The following CORO2B variants were observed in gnomAD, a reference collection of about 807,000 sequenced individuals.
CORO2B encodes coronin 2B, also known as coronin-2B.
In CORO2B, 26 loss-of-function variants were observed where a neutral mutation model predicts 58.8. That is an observed-to-expected ratio of 0.44 (90% CI 0.32 to 0.61). CORO2B has a LOEUF of 0.61. Ranked by LOEUF, CORO2B falls within the 20% of genes least tolerant of loss-of-function variation. The probability of loss-of-function intolerance (pLI) is 0.04; values close to 1 mark genes in which losing one functional copy is unlikely to be tolerated. For missense variants in CORO2B, 460 were observed against 645.1 expected, an observed-to-expected ratio of 0.71 and a Z score of 3.11; for synonymous variants, 242 against 253.8, an observed-to-expected ratio of 0.95 and a Z score of 0.44.
At chr15:68,610,976 A>T (rs1307433296) in intron 1 of CORO2B, among the ~76,000 whole-genome samples, 1 of 152,192 alleles carries the variant, frequency 6.6e-6, no homozygotes, top group Non-Finnish European at 1.5e-5. Flanking sequence ...TGAAAGAAGT[A>T]CTCTGTACAA....
chr15:68,676,293 G>A (rs964731306), intron 2 of CORO2B, among the ~76,000 whole-genome samples: 6 of 152,168 alleles, frequency 3.9e-5, no homozygotes, highest in African/African-American at 1.4e-4. Flanking sequence ...CGCATCTGTG[G>A]GTGAGGGACA....
chr15:68,548,068 G>A, the CORO2B span, among the ~76,000 whole-genome samples: 1 of 152,052 alleles, frequency 6.6e-6, no homozygotes, highest in African/African-American at 2.4e-5. Flanking sequence ...CTACTTGGGG[G>A]GCTGAGGCAG....
intron 2 of CORO2B, among the ~76,000 whole-genome samples, chr15:68,679,023 A>G (rs1461081056): frequency 2.0e-5 from 3 of 152,240 alleles, no homozygotes; most frequent in Admixed American, 6.5e-5. Context: ...CTGGTCAGGC[A>G]GAGTGAGGGC....
At chr15:68,539,916 T>C in the CORO2B span, among the ~76,000 whole-genome samples, 1 of 152,256 alleles carries the variant, frequency 6.6e-6, no homozygotes, top group African/African-American at 2.4e-5. Context: ...TATCGTGGTA[T>C]GTTGTTTTGG....
intron 1 of CORO2B, among the ~76,000 whole-genome samples, chr15:68,609,897 A>G (rs577759770): frequency 6.6e-6 from 1 of 152,236 alleles, no homozygotes; most frequent in South Asian, 2.1e-4. Context: ...TCAGTACACT[A>G]GCTTGACCTG....
intron 2 of CORO2B, among the ~76,000 whole-genome samples, chr15:68,669,893 C>T (rs62002151): frequency 6.6e-6 from 1 of 151,798 alleles, no homozygotes; most frequent in Non-Finnish European, 1.5e-5. Context: ...CCTATCTCTA[C>T]TAAAAATACA....
intron 1 of CORO2B, among the ~76,000 whole-genome samples, chr15:68,639,450 G>A (rs990275316): frequency 1.3e-5 from 2 of 152,238 alleles, no homozygotes; most frequent in Non-Finnish European, 2.9e-5. Context: ...CCATGTAAGA[G>A]CTGTTGTCAT....
At chr15:68,560,017 A>G in the CORO2B span, among the ~76,000 whole-genome samples, 1 of 152,190 alleles carries the variant, frequency 6.6e-6, no homozygotes, top group Non-Finnish European at 1.5e-5. Context: ...GATCTGACCA[A>G]GTCTCTGCCA....
At position 68,727,162 on chromosome 15, in the gene CORO2B, A is replaced by G. The variant is rs1326874520; in HGVS notation, c.*1188A>G. Reference sequence around the variant, plus strand: ...CGCTATCTCAGCCACTTTCAGCCTTATGCACGTAGAATGACCACAGCCACT... The same window carrying G: ...CGCTATCTCAGCCACTTTCAGCCTTGTGCACGTAGAATGACCACAGCCACT... On this transcript the variant is annotated 3_prime_UTR_variant, in exon 12 of 12. Transcript: ENST00000261861. The G allele has an allele frequency of 1.3e-5, 2 of 152,640 alleles. No homozygotes were observed. Among genetic ancestry groups the G allele is most frequent in the African/African-American group, 4.8e-5 (2 of 41,422 alleles). 9.5% of individuals were successfully genotyped at this position (152,640 alleles called of 1,614,324 possible).
the CORO2B span, among the ~76,000 whole-genome samples, chr15:68,521,148 C>T: frequency 6.6e-6 from 1 of 152,064 alleles, no homozygotes; most frequent in Non-Finnish European, 1.5e-5. Context: ...TTTACATCTA[C>T]CATCTTTACT....
At chr15:68,580,194 A>C (rs1899391536) in intron 1 of CORO2B, among the ~76,000 whole-genome samples, 1 of 152,230 alleles carries the variant, frequency 6.6e-6, no homozygotes, top group Non-Finnish European at 1.5e-5. Flanking sequence ...CAATAACATC[A>C]AGGGTGTGAA....
At chr15:68,672,992 A>T (rs1902454252) in intron 2 of CORO2B, among the ~76,000 whole-genome samples, 1 of 152,124 alleles carries the variant, frequency 6.6e-6, no homozygotes, top group Non-Finnish European at 1.5e-5. Flanking sequence ...GTGCAGGTGG[A>T]TGTGAGGACA....
the CORO2B span, among the ~76,000 whole-genome samples, chr15:68,537,816 G>A: frequency 6.6e-6 from 1 of 152,220 alleles, no homozygotes; most frequent in South Asian, 2.1e-4. Context: ...CACAACAGCA[G>A]ACTTGAGTAG....
intron 3 of CORO2B, among the ~76,000 whole-genome samples, chr15:68,695,933 A>G (rs1375481778): frequency 1.3e-5 from 2 of 151,942 alleles, no homozygotes; most frequent in Non-Finnish European, 2.9e-5. Context: ...AGAGAGGGGG[A>G]TAAAGAATCC....
At chr15:68,558,346 G>A in the CORO2B span, among the ~76,000 whole-genome samples, 3 of 151,990 alleles carry the variant, frequency 2.0e-5, no homozygotes, top group Non-Finnish European at 4.4e-5. Flanking sequence ...GGGTTGGAGA[G>A]GAGAGCAAAA....
At chr15:68,518,830 C>T in the CORO2B span, among the ~76,000 whole-genome samples, 1 of 152,174 alleles carries the variant, frequency 6.6e-6, no homozygotes, top group Non-Finnish European at 1.5e-5. Flanking sequence ...GAGCAAGACC[C>T]AGAGCAAGTC....
intron 2 of CORO2B, among the ~76,000 whole-genome samples, chr15:68,678,951 G>A (rs979246313): frequency 6.6e-6 from 1 of 152,232 alleles, no homozygotes; most frequent in Admixed American, 6.5e-5. Context: ...TCCCCTCCCT[G>A]CCCCTCCAGC....
chr15:68,719,401 T>C lies in CORO2B; in HGVS notation c.1172-12T>C. ...GGATCGTCAGTGAGAGCGTTTCCCT[T>C]GCCTTCTTTAGATCCCGTGCTGATG... On this transcript the variant is annotated splice_polypyrimidine_tract_variant and intron_variant, in intron 10 of 11. Transcript: ENST00000261861. 1 of 1,613,030 alleles carries C rather than the reference T, an allele frequency of 6.2e-7. No homozygotes were observed. The highest frequency in any genetic ancestry group is 8.5e-7 in the Non-Finnish European group (1 of 1,179,530).
At chr15:68,524,523 T>G in the CORO2B span, among the ~76,000 whole-genome samples, 1 of 152,228 alleles carries the variant, frequency 6.6e-6, no homozygotes, top group East Asian at 1.9e-4. Context: ...TGTACCTTTT[T>G]AAAAGCGCCA....
Sources: allele counts gnomAD v4.1 joint callset (sites outside exome capture counted in the v4.1 genomes callset), GRCh38; gene constraint gnomAD v4.1.1; transcripts MANE v1.5; gene names NCBI Gene and HGNC (gene_info 2026-07-23, HGNC 2026-07-21).